PCNX3: variants seen among roughly 807,000 people sequenced by gnomAD.
PCNX3 encodes the protein pecanex-like protein 3.
In PCNX3, 58 loss-of-function variants were observed where a neutral mutation model predicts 207.2. The ratio of observed to expected loss-of-function variants is 0.28; its 90% CI spans 0.23 to 0.35. PCNX3 has a LOEUF of 0.35. Among genes scored for constraint, PCNX3 ranks in the 10% least tolerant of loss-of-function variants. The pLI, the probability that PCNX3 is intolerant of heterozygous loss-of-function variation, is 1.00. For synonymous variants in PCNX3, 1,337 were observed against 1,183.5 expected (o/e 1.13, Z -2.66); for missense variants, 2,410 against 2,774.4 (o/e 0.87, Z 2.95).
chr11:65,637,373 T>A lies in PCNX3; in HGVS notation c.*395T>A. 1 of 174,320 alleles carries A rather than the reference T, an allele frequency of 5.7e-6. No homozygotes were observed. Among genetic ancestry groups the A allele is most frequent in the Non-Finnish European group, 1.1e-5 (1 of 87,994 alleles). 10.8% of individuals were successfully genotyped at this position (174,320 alleles called of 1,614,324 possible). On this transcript the variant is annotated 3_prime_UTR_variant, in exon 35 of 35. Transcript: ENST00000355703. Reference sequence around the variant, plus strand: ...TGGTTTCTTTCTTTCCTTTTTTTTCTTTTCTTTTTTTTTTTTTTTTTTGTG... The same window carrying A: ...TGGTTTCTTTCTTTCCTTTTTTTTCATTTCTTTTTTTTTTTTTTTTTTGTG...
chr11:65,634,375 A>G lies in PCNX3; in HGVS notation c.4701+19A>G. 26 of 1,558,596 alleles carry G rather than the reference A, an allele frequency of 1.7e-5. No individual in the cohort carries two copies. Among genetic ancestry groups the G allele is most frequent in the Non-Finnish European group, 2.3e-5 (26 of 1,150,754 alleles). ...CAGCCAGGTCAGGCTCCACTACCTG[A>G]GGCTGCCACCTGGGGCTGTGGGACC... On this transcript the variant is annotated intron_variant, in intron 28 of 34. Coordinates refer to ENST00000355703, the MANE Select transcript of PCNX3 (RefSeq NM_032223.4).
intron 12 of PCNX3, 38 bp downstream of exon 12, chr11:65,623,682 C>A (rs759480585): frequency 5.0e-6 from 8 of 1,599,240 alleles, no homozygotes; most frequent in Non-Finnish European, 6.8e-6. Context: ...CCCCACCCGA[C>A]TTTTCCCAAG....
At chr11:65,619,693 C>G in intron 7 of PCNX3, 33 bp downstream of exon 7, 4 of 1,573,366 alleles carry the variant, frequency 2.5e-6, no homozygotes, top group Non-Finnish European at 3.4e-6. Context: ...CGAGGGGCAC[C>G]GGGGGCCGGG....
rs371340201 is a variant in PCNX3, at chr11:65,619,940, T to C, written c.2008+8T>C. ...ATTTCTACGATGAGAGCGGTGAGCCTTTCCCAAGCCCGGTGGCCCAGTGCC... is the reference window on the plus strand; with the variant it reads ...ATTTCTACGATGAGAGCGGTGAGCCCTTCCCAAGCCCGGTGGCCCAGTGCC... On this transcript the variant is annotated splice_region_variant and intron_variant, in intron 8 of 34. Coordinates refer to ENST00000355703, the MANE Select transcript of PCNX3 (RefSeq NM_032223.4). 2 of 1,591,866 alleles carry C rather than the reference T, an allele frequency of 1.3e-6. No homozygotes were observed. Among genetic ancestry groups the C allele is most frequent in the African/African-American group, 1.3e-5 (1 of 74,536 alleles).
At chr11:65,633,729 C>T (rs1027774689) in intron 27 of PCNX3, among the ~76,000 whole-genome samples, 10 of 152,188 alleles carry the variant, frequency 6.6e-5, no homozygotes, top group African/African-American at 1.9e-4. Context: ...GTGGGGCCAG[C>T]TCCACCTTGA....
At position 65,637,015 on chromosome 11, in the gene PCNX3, AG is replaced by A; in HGVS notation, c.*38del. ...CCCACTGGACCACCTCCTAGGATTC[AG>A]TAACGGACCTGCTCTGCTGCCTCTC... On this transcript the variant is annotated 3_prime_UTR_variant, in exon 35 of 35. Coordinates refer to ENST00000355703, the MANE Select transcript of PCNX3 (RefSeq NM_032223.4). 6.5e-7 allele frequency: 1 copy of A among 1,539,910 alleles called. No homozygotes were observed. Among genetic ancestry groups the A allele is most frequent in the Non-Finnish European group, 8.7e-7 (1 of 1,144,992 alleles).
intron 22 of PCNX3, 30 bp downstream of exon 22, chr11:65,627,612 G>A (rs746427768): frequency 9.3e-6 from 15 of 1,610,278 alleles, no homozygotes; most frequent in Non-Finnish European, 1.2e-5. Flanking sequence ...CCAGACCCCA[G>A]GCTGTCCAAT....
intron 22 of PCNX3, 98 bp from the exon 23 acceptor site, chr11:65,628,497 C>T (rs1855491861): frequency 1.7e-6 from 2 of 1,190,050 alleles, no homozygotes; most frequent in Admixed American, 1.9e-5. Context: ...TGGGCCAAGC[C>T]AGTGCGATGA....
intron 20 of PCNX3, chr11:65,626,338 G>A (rs1565164742): frequency 3.2e-6 from 2 of 615,840 alleles, no homozygotes; most frequent in Non-Finnish European, 6.1e-6. Flanking sequence ...CCAGGGCCCT[G>A]AAGGGATCTC....
chr11:65,636,835 C>T lies in PCNX3; in HGVS notation c.5962C>T (p.Pro1988Ser). The change falls in exon 35 of 35, where the codon CCC becomes TCC. Residue 1988 changes from proline (P) to serine (S), a missense_variant. By Grantham distance (74) the Pro-to-Ser change is moderately conservative. Transcript: ENST00000355703. Reference sequence around the variant, plus strand: ...CGATGTCAGCACTGAGGCCTCACCCCCCAGAGCTTCCCAGGACATTCCTTG... The same window carrying T: ...CGATGTCAGCACTGAGGCCTCACCCTCCAGAGCTTCCCAGGACATTCCTTG... The part of the protein sequence containing the change: ...SPDVSTEASP[P>S]RASQDIPCLD... 6.4e-7 allele frequency: 1 copy of T among 1,551,224 alleles called. No homozygotes were observed. The highest frequency in any genetic ancestry group is 8.7e-7 in the Non-Finnish European group (1 of 1,146,994).
In PCNX3 at chr11:65,622,182, C is replaced by T. The variant is rs533536419; in HGVS notation, c.2236-63C>T. Reference sequence around the variant, plus strand: ...ACCATGTGGGGGGTGGCGGGGCTGACGGCCGCGGCTGTGGGGACTGCAGTT... The same window carrying T: ...ACCATGTGGGGGGTGGCGGGGCTGATGGCCGCGGCTGTGGGGACTGCAGTT... On this transcript the variant is annotated intron_variant, in intron 10 of 34. Transcript: ENST00000355703. 397 of 1,537,998 alleles carry T rather than the reference C, an allele frequency of 2.6e-4. 2 individuals carry two copies. The highest frequency in any genetic ancestry group is 1.5e-3 in the South Asian group (125 of 81,834).
At position 65,624,464 on chromosome 11, in the gene PCNX3, C is replaced by T. The variant is rs767596222; in HGVS notation, c.2717-7C>T. 2 of 1,586,750 alleles carry T rather than the reference C, an allele frequency of 1.3e-6. No homozygotes were observed. Among genetic ancestry groups the T allele is most frequent in the Non-Finnish European group, 8.6e-7 (1 of 1,165,910 alleles). On this transcript the variant is annotated splice_region_variant and splice_polypyrimidine_tract_variant and intron_variant, in intron 14 of 34. Transcript: ENST00000355703. Reference sequence around the variant, plus strand: ...CTGACCAGGCCTTCGTGTCCCCTCCCTGCCAGTGTTCACCCTGTGCTTCCC... The same window carrying T: ...CTGACCAGGCCTTCGTGTCCCCTCCTTGCCAGTGTTCACCCTGTGCTTCCC...
Position 65,618,272 on chromosome 11 carries a change from G to A in PCNX3, c.910G>A (p.Gly304Ser), listed in dbSNP as rs1168951300. The change falls in exon 6 of 35, where the codon GGC becomes AGC. Residue 304 changes from glycine to serine, a missense_variant. By Grantham distance (56) the Gly-to-Ser change is moderately conservative. Coordinates refer to ENST00000355703, the MANE Select transcript of PCNX3 (RefSeq NM_032223.4). Reference protein sequence around the residue: ...KAGSSDSCFSGTDRETLSSFK... With the variant: ...KAGSSDSCFSSTDRETLSSFK... ...CGGCTCCTCAGACTCCTGCTTCAGC[G>A]GCACTGACAGGGAGACATTGAGCAG... 19 of 1,610,208 alleles carry A rather than the reference G, an allele frequency of 1.2e-5. No individual in the cohort carries two copies. Among genetic ancestry groups the A allele is most frequent in the Admixed American group, 1.7e-5 (1 of 59,878 alleles).
At chr11:65,628,977 C>T (rs1468234294) in intron 24 of PCNX3, 29 bp downstream of exon 24, 2 of 1,607,484 alleles carry the variant, frequency 1.2e-6, no homozygotes, top group Non-Finnish European at 1.7e-6. Context: ...GGGAGCATGC[C>T]CAGCAGGGCA....
chr11:65,627,648 G>C, intron 22 of PCNX3, 66 bp downstream of exon 22: 2 of 1,558,778 alleles, frequency 1.3e-6, no homozygotes, highest in Non-Finnish European at 1.8e-6. Flanking sequence ...TTCTGCCTGG[G>C]TGGGAAGAGA....
chr11:65,629,894 G>T (rs1042064562), intron 26 of PCNX3, among the ~76,000 whole-genome samples, 159 bp downstream of exon 26: 1 of 152,202 alleles, frequency 6.6e-6, no homozygotes, highest in South Asian at 2.1e-4. Context: ...GCGTTTCCCA[G>T]TCTGAGCAAT....
Position 65,626,069 on chromosome 11 carries a change from C to G in PCNX3, c.3379+15C>G, listed in dbSNP as rs1243188227. On this transcript the variant is annotated intron_variant, in intron 20 of 34. Coordinates refer to ENST00000355703, the MANE Select transcript of PCNX3 (RefSeq NM_032223.4). ...TGAAGTGCGCGGTGAGTGCCCACCC[C>G]TGATGGCCAGGCCTGGGCAGTGGCT... 1.6e-5 allele frequency: 26 copies of G among 1,588,672 alleles called. No individual in the cohort carries two copies. The highest frequency in any genetic ancestry group is 8.6e-6 in the Non-Finnish European group (10 of 1,169,210).
chr11:65,623,795 C>A, intron 12 of PCNX3, 134 bp from the exon 13 acceptor site: 1 of 1,521,274 alleles, frequency 6.6e-7, no homozygotes, highest in Non-Finnish European at 9.0e-7. Flanking sequence ...AGCAAGAAAA[C>A]TGAGGCTCAG....
rs1196891110 is a variant in PCNX3, at chr11:65,617,613, A to G, written c.484A>G (p.Ile162Val). ...RMEDSGPLRD[I>V]KELVREQGSN... ...CACCTCTGGGGCCATGGTTGCAGAC[A>G]TCAAGGAGCTGGTGCGGGAGCAGGG... Residue 162 changes from isoleucine to valine, a missense_variant and splice_region_variant, in exon 5 of 35, where the codon ATC becomes GTC. Coordinates refer to ENST00000355703, the MANE Select transcript of PCNX3 (RefSeq NM_032223.4). 1 of 1,612,334 alleles carries G rather than the reference A, an allele frequency of 6.2e-7. No homozygotes were observed. The highest frequency in any genetic ancestry group is 8.5e-7 in the Non-Finnish European group (1 of 1,179,162).
Sources: gnomAD v4.1 joint callset for allele counts (sites outside exome capture counted in the v4.1 genomes callset) on GRCh38, gnomAD v4.1.1 for gene constraint, MANE v1.5 for transcripts, NCBI Gene and HGNC (gene_info 2026-07-23, HGNC 2026-07-21) for gene names.